Variants in SH3PXD2A observed in about 807,000 individuals in gnomAD.
SH3PXD2A encodes the protein SH3 and PX domains 2A, also known as SH3 and PX domain-containing protein 2A.
A neutral mutation model predicts 115.2 loss-of-function variants in SH3PXD2A; 32 were observed. The ratio of observed to expected loss-of-function variants is 0.28; its 90% CI spans 0.21 to 0.37. SH3PXD2A has a LOEUF of 0.37. SH3PXD2A is among the 10% of genes least tolerant of loss of function. The pLI, the probability that SH3PXD2A is intolerant of heterozygous loss-of-function variation, is 1.00. For missense variants in SH3PXD2A, 1,328 were observed against 1,498.7 expected (o/e 0.89, Z 1.88); for synonymous variants, 610 against 629.1 (o/e 0.97, Z 0.45).
At chr10:103,731,229 T>C (rs1373688215) in intron 4 of SH3PXD2A, among the ~76,000 whole-genome samples, 16 of 150,886 alleles carry the variant, frequency 1.1e-4, no homozygotes, top group Admixed American at 3.3e-4. Flanking sequence ...GGTGCAACCA[T>C]GGCTCACTGC....
chr10:103,793,749 C>T (rs557551327), intron 2 of SH3PXD2A, among the ~76,000 whole-genome samples: 2 of 152,346 alleles, frequency 1.3e-5, no homozygotes, highest in South Asian at 2.1e-4. Context: ...GCTGTGGCCT[C>T]ATCGCTTTAG....
chr10:103,756,492 T>C lies in SH3PXD2A; in HGVS notation c.229+10602A>G, dbSNP rs7910917. Among the ~76,000 whole-genome samples the C allele has an allele frequency of 0.081, 12,276 of 152,064 alleles. 1,283 individuals are homozygous for C. Among genetic ancestry groups the C allele is most frequent in the East Asian group, 0.3 (1,522 of 5,148 alleles). ...CCACTCCCGAGCCCTCAGTGAAACCTGGACCCAGAAACCAGAGTGCCCAGT... is the reference window on the plus strand; with the variant it reads ...CCACTCCCGAGCCCTCAGTGAAACCCGGACCCAGAAACCAGAGTGCCCAGT... On this transcript the variant is annotated intron_variant, in intron 3 of 14. Coordinates refer to ENST00000369774, the MANE Select transcript of SH3PXD2A (RefSeq NM_001394015.1). The surrounding 1 kb of genome is among the most constrained non-coding windows in gnomAD (Gnocchi z 4.4).
chr10:103,647,944 G>A (rs536132379), intron 8 of SH3PXD2A, among the ~76,000 whole-genome samples: 6 of 152,244 alleles, frequency 3.9e-5, no homozygotes, highest in African/African-American at 1.2e-4. Context: ...GGGGTGGGTT[G>A]GAGCCCGGAG....
chr10:103,645,106 G>T (rs1021970506), intron 8 of SH3PXD2A, among the ~76,000 whole-genome samples: 3 of 152,118 alleles, frequency 2.0e-5, no homozygotes, highest in African/African-American at 4.8e-5. Context: ...CTAACTCAAG[G>T]CTCCCCCATC....
intron 5 of SH3PXD2A, among the ~76,000 whole-genome samples, chr10:103,720,769 G>A (rs1470097302): frequency 6.6e-6 from 1 of 152,224 alleles, no homozygotes; most frequent in Non-Finnish European, 1.5e-5. Flanking sequence ...CAGGCACTAG[G>A]CTGACACGTC....
At chr10:103,851,196 A>G (rs1170109774) in intron 1 of SH3PXD2A, among the ~76,000 whole-genome samples, 1 of 152,080 alleles carries the variant, frequency 6.6e-6, no homozygotes, top group Non-Finnish European at 1.5e-5. Flanking sequence ...TTTGGGGCCA[A>G]TTCCTAAGCA....
At chr10:103,725,656 G>A (rs1225579428) in intron 4 of SH3PXD2A, among the ~76,000 whole-genome samples, 2 of 151,924 alleles carry the variant, frequency 1.3e-5, no homozygotes, top group East Asian at 1.9e-4. Flanking sequence ...GAGAAACCCC[G>A]TCTCTACGAA....
intron 2 of SH3PXD2A, among the ~76,000 whole-genome samples, chr10:103,771,069 TGAGGA>T (rs2038813972): frequency 6.6e-6 from 1 of 152,184 alleles, no homozygotes; most frequent in Non-Finnish European, 1.5e-5. Flanking sequence ...CAGAGATGTC[TGAGGA>T]GAGAGGTGGG....
intron 13 of SH3PXD2A, 73 bp from the exon 14 acceptor site, chr10:103,605,990 C>T: frequency 6.4e-7 from 1 of 1,553,150 alleles, no homozygotes; most frequent in Admixed American, 1.8e-5. Context: ...GGTTGGTCCC[C>T]ACTCAGTCCC....
At chr10:103,698,946 T>C (rs781570730) in intron 5 of SH3PXD2A, among the ~76,000 whole-genome samples, 2 of 151,774 alleles carry the variant, frequency 1.3e-5, no homozygotes, top group African/African-American at 4.8e-5. Context: ...CTCCAAACAG[T>C]TGTGGACTGG....
chr10:103,690,513 A>T (rs2037737391), intron 6 of SH3PXD2A, among the ~76,000 whole-genome samples: 1 of 152,188 alleles, frequency 6.6e-6, no homozygotes, highest in Admixed American at 6.5e-5. Flanking sequence ...CTGCTGGCAG[A>T]ACTCCTCCTT....
At chr10:103,799,930 C>T (rs1170958670) in intron 2 of SH3PXD2A, among the ~76,000 whole-genome samples, 30 of 152,096 alleles carry the variant, frequency 2.0e-4, no homozygotes, top group Admixed American at 1.9e-3. Flanking sequence ...ATTTGTAATA[C>T]AGGAAGCTAG....
At chr10:103,766,735 C>T (rs922415079) in intron 3 of SH3PXD2A, among the ~76,000 whole-genome samples, 10 of 152,086 alleles carry the variant, frequency 6.6e-5, no homozygotes, top group Non-Finnish European at 1.2e-4. Context: ...TAAGGTTATC[C>T]GTGATTAGAA....
At chr10:103,730,558 G>A (rs2038304823) in intron 4 of SH3PXD2A, among the ~76,000 whole-genome samples, 2 of 152,072 alleles carry the variant, frequency 1.3e-5, no homozygotes, top group Admixed American at 1.3e-4. Flanking sequence ...TCTGAGCAGC[G>A]ACTCCCCTTG....
chr10:103,610,258 C>T (rs1438388870), intron 13 of SH3PXD2A, among the ~76,000 whole-genome samples: 1 of 152,272 alleles, frequency 6.6e-6, no homozygotes, highest in Non-Finnish European at 1.5e-5. Context: ...ACAGCCCAGG[C>T]TCAGCCCAGG....
At chr10:103,721,029 C>T (rs1308736329) in intron 5 of SH3PXD2A, among the ~76,000 whole-genome samples, 2 of 152,232 alleles carry the variant, frequency 1.3e-5, no homozygotes, top group Non-Finnish European at 2.9e-5. Flanking sequence ...GGTGAACTGG[C>T]CCACGTGGCC....
At chr10:103,637,748 G>A (rs1433767106) in intron 8 of SH3PXD2A, among the ~76,000 whole-genome samples, 2 of 152,164 alleles carry the variant, frequency 1.3e-5, no homozygotes, top group Non-Finnish European at 2.9e-5. Flanking sequence ...GGGAGACACT[G>A]AGAGGAAGAA....
At chr10:103,734,568 G>A (rs2038358784) in intron 4 of SH3PXD2A, among the ~76,000 whole-genome samples, 1 of 152,086 alleles carries the variant, frequency 6.6e-6, no homozygotes, top group South Asian at 2.1e-4. Flanking sequence ...GGCCAACATG[G>A]CAAAACCACG....
At chr10:103,823,945 T>A (rs1311156461) in intron 1 of SH3PXD2A, among the ~76,000 whole-genome samples, 1 of 152,136 alleles carries the variant, frequency 6.6e-6, no homozygotes, top group African/African-American at 2.4e-5. Flanking sequence ...AAAAGAGACA[T>A]CTCAGCACCC....
Sources: gnomAD v4.1 joint callset for allele counts (sites outside exome capture counted in the v4.1 genomes callset) on GRCh38, gnomAD v4.1.1 for gene constraint, Gnocchi (gnomAD v3.1) non-coding constraint, MANE v1.5 for transcripts, NCBI Gene and HGNC (gene_info 2026-07-23, HGNC 2026-07-21) for gene names.